The following ZNF792 variants were observed in gnomAD, a reference collection of about 807,000 sequenced individuals.
ZNF792 encodes the protein zinc finger protein 792.
A neutral mutation model predicts 13.1 loss-of-function variants in ZNF792; 14 were observed. That is an observed-to-expected ratio of 1.07 (90% CI 0.71 to 1.67). The LOEUF is 1.67. ZNF792 is among the 40% of genes most tolerant of loss of function. The pLI, the probability that ZNF792 is intolerant of heterozygous loss-of-function variation, is 0.00. For missense variants in ZNF792, 740 were observed against 807.9 expected (o/e 0.92, Z 1.02); for synonymous variants, 257 against 292.0 (o/e 0.88, Z 1.22).
In ZNF792 at chr19:34,958,281, C is replaced by T. The variant is rs200516958; in HGVS notation, c.1574G>A (p.Arg525Gln). The change falls in exon 4 of 4, where the codon CGG (arginine) becomes CAG (glutamine). Residue 525 changes from arginine to glutamine, a missense_variant. Arg to Gln is a conservative substitution (Grantham distance 43, BLOSUM62 1). Transcript: ENST00000404801. ...AGGCCGCTCGCCGGTGTGAAGTCTCCGGTGGTTATTGAGGCTGGAGCTTTG... is the reference window on the plus strand; with the variant it reads ...AGGCCGCTCGCCGGTGTGAAGTCTCTGGTGGTTATTGAGGCTGGAGCTTTG... ...FNQSSSLNNH[R>Q]RLHTGERPYE... is the part of the protein sequence containing the mutation. The T allele has an allele frequency of 2.7e-4, 437 of 1,604,408 alleles. 1 individual carries two copies. Among genetic ancestry groups the T allele is most frequent in the Non-Finnish European group, 3.5e-4 (409 of 1,176,708 alleles).
At position 34,957,513 on chromosome 19, in the gene ZNF792, A is replaced by C. The variant is rs1178580521; in HGVS notation, c.*443T>G. The stretch of plus-strand genomic sequence containing the variant: ...GCTTTATCATAAGGCCATTATCATC[A>C]CATGAACCAGGGCAATACACAGGAG... On this transcript the variant is annotated 3_prime_UTR_variant, in exon 4 of 4. Transcript: ENST00000404801. The C allele has an allele frequency of 6.2e-6, 1 of 160,602 alleles. No individual in the cohort carries two copies. Among genetic ancestry groups the C allele is most frequent in the Non-Finnish European group, 1.4e-5 (1 of 74,012 alleles). 9.9% of individuals were successfully genotyped at this position (160,602 alleles called of 1,614,324 possible).
chr19:34,958,926 T>A lies in ZNF792; in HGVS notation c.929A>T (p.Tyr310Phe). The change falls in exon 4 of 4, where the codon TAT becomes TTT. Residue 310 changes from tyrosine to phenylalanine, a missense_variant. Coordinates refer to ENST00000404801, the MANE Select transcript of ZNF792 (RefSeq NM_175872.5). ...GAATTTTCCACATTCACAGCACTCA[T>A]ACGGTTTTCCTCTATTGTGAACTTT... ...HQKVHNRGKP[Y>F]ECCECGKFFS... is the part of the protein sequence containing the mutation. 6.2e-7 allele frequency: 1 copy of A among 1,614,020 alleles called. No individual in the cohort carries two copies. The highest frequency in any genetic ancestry group is 8.5e-7 in the Non-Finnish European group (1 of 1,179,878).
chr19:34,960,519 G>C, intron 2 of ZNF792, 162 bp from the exon 3 acceptor site: 1 of 894,030 alleles, frequency 1.1e-6, no homozygotes, highest in East Asian at 2.7e-5. Flanking sequence ...GTCAGGCTTA[G>C]GAAATATTAG....
rs996982678 is a variant in ZNF792, at chr19:34,963,677, A to G, written c.-15T>C. The G allele has an allele frequency of 1.9e-6, 3 of 1,591,578 alleles. No individual in the cohort carries two copies. The highest frequency in any genetic ancestry group is 2.6e-6 in the Non-Finnish European group (3 of 1,171,398). On this transcript the variant is annotated 5_prime_UTR_variant, in exon 1 of 4. Transcript: ENST00000404801. The stretch of plus-strand genomic sequence containing the variant: ...GCCGCTGCCATCGGAGTCTGTGGTC[A>G]GAGCAGGGCCCCACGGTGCGGGAAA...
At position 34,958,243 on chromosome 19, in the gene ZNF792, C is replaced by T. The variant is rs768588430; in HGVS notation, c.1612G>A (p.Glu538Lys). ...CTCTGCCTGAAGGTTTTCCCACATT[C>T]GCTGCACTCATAAGGCCGCTCGCCG... The part of the protein sequence containing the change: ...HTGERPYECS[E>K]CGKTFRQRSN... Residue 538 changes from glutamate (E) to lysine (K), a missense_variant, in exon 4 of 4, where the codon GAA becomes AAA. Glu to Lys is a moderately conservative substitution (Grantham distance 56, BLOSUM62 1). Coordinates refer to ENST00000404801, the MANE Select transcript of ZNF792 (RefSeq NM_175872.5). The T allele has an allele frequency of 6.3e-5, 102 of 1,613,946 alleles. 1 individual carries two copies. The highest frequency in any genetic ancestry group is 1.6e-4 in the Middle Eastern group (1 of 6,084).
In ZNF792 at chr19:34,958,158, T is replaced by G. The variant is rs752805934; in HGVS notation, c.1697A>C (p.Glu566Ala). ...CCTTTGGTTGAAGGCTTTCCCACATTCGCTGCATTCGTAAGGCCTGTCTGG... is the reference window on the plus strand; with the variant it reads ...CCTTTGGTTGAAGGCTTTCCCACATGCGCTGCATTCGTAAGGCCTGTCTGG... ...HKPDRPYECS[E>A]CGKAFNQRPT... is the part of the protein sequence containing the mutation. The change falls in exon 4 of 4, where the codon GAA becomes GCA. Residue 566 changes from glutamate to alanine, a missense_variant. Transcript: ENST00000404801. 1.9e-6 allele frequency: 3 copies of G among 1,611,966 alleles called. No individual in the cohort carries two copies. In the South Asian group the frequency reaches 3.3e-5, roughly 18 times the overall value.
At chr19:34,960,786 T>C in intron 2 of ZNF792, 82 bp downstream of exon 2, 2 of 1,604,158 alleles carry the variant, frequency 1.2e-6, no homozygotes, top group Non-Finnish European at 1.7e-6. Context: ...GGTCTGGCTG[T>C]GGGAAGGAAA....
rs1457564983 is a variant in ZNF792 at position 34,956,756 on chromosome 19, A to G, written c.*1200T>C. On this transcript the variant is annotated 3_prime_UTR_variant, in exon 4 of 4. Transcript: ENST00000404801. ...ACGTCATAGATACTACAGTCCCTAT[A>G]GTATAGGATCTGCTTTTTCTCAGTC... The G allele has an allele frequency of 6.6e-6, 1 of 152,232 alleles. No homozygotes were observed. The highest frequency in any genetic ancestry group is 2.4e-5 in the African/African-American group (1 of 41,462). 9.4% of individuals were successfully genotyped at this position (152,232 alleles called of 1,614,324 possible).
chr19:34,956,526 G>A lies in ZNF792; in HGVS notation c.*1430C>T, dbSNP rs1446082263. The A allele has an allele frequency of 6.6e-6, 1 of 152,152 alleles. No individual in the cohort carries two copies. Among genetic ancestry groups the A allele is most frequent in the Non-Finnish European group, 1.5e-5 (1 of 68,016 alleles). The allele number at this position is 152,152 out of a possible 1,614,324, so 9.4% of individuals were successfully genotyped here. ...GTTCATTATCATGATTATGGTATTG[G>A]TTCCCTGAGTGTACATAATATATGT... On this transcript the variant is annotated 3_prime_UTR_variant, in exon 4 of 4. Coordinates refer to ENST00000404801, the MANE Select transcript of ZNF792 (RefSeq NM_175872.5).
rs186132540 is a variant in ZNF792 at position 34,957,768 on chromosome 19, T to C, written c.*188A>G. ...GACTACTCCTAATTCCCTTTAGGGA[T>C]TGGAAAGAGAGAGGAGAGGTCTGCC... On this transcript the variant is annotated 3_prime_UTR_variant, in exon 4 of 4. Transcript: ENST00000404801. 1,751 of 587,258 alleles carry C rather than the reference T, an allele frequency of 3.0e-3. 9 individuals carry two copies. The highest frequency in any genetic ancestry group is 6.8e-3 in the Middle Eastern group (15 of 2,204). The allele number at this position is 587,258 out of a possible 1,614,324, so 36.4% of individuals were successfully genotyped here. A position where few individuals can be genotyped will look rare whatever the true frequency, so the allele number is the denominator to read the frequency against.
Position 34,959,051 on chromosome 19 carries a change from A to G in ZNF792, c.804T>C (p.Thr268=). ...TGTGGATTCTCTGGTGCTGAACAAGAGTGGATTTGTTATTGAAGGCATCCC... is the reference window on the plus strand; with the variant it reads ...TGTGGATTCTCTGGTGCTGAACAAGGGTGGATTTGTTATTGAAGGCATCCC... ...ESGDAFNNKS[T]LVQHQRIHSR... is the part of the protein sequence containing the mutation. Residue 268 remains threonine, a synonymous_variant, in exon 4 of 4, where the codon ACT becomes ACC. Transcript: ENST00000404801. 1 of 1,614,178 alleles carries G rather than the reference A, an allele frequency of 6.2e-7. No individual in the cohort carries two copies. Among genetic ancestry groups the G allele is most frequent in the African/African-American group, 1.3e-5 (1 of 75,068 alleles).
intron 2 of ZNF792, 62 bp from the exon 3 acceptor site, chr19:34,960,419 G>A (rs2013510391): frequency 6.3e-7 from 1 of 1,580,494 alleles, no homozygotes; most frequent in African/African-American, 1.3e-5. Context: ...CCCCATGATA[G>A]ACTACAAGAC....
intron 1 of ZNF792, among the ~76,000 whole-genome samples, chr19:34,963,238 G>A (rs535856280): frequency 3.3e-5 from 5 of 152,140 alleles, no homozygotes; most frequent in East Asian, 3.9e-4. Context: ...CAGCTCTGCC[G>A]TTCTGAGCTG....
In ZNF792 at chr19:34,960,333, A is replaced by C; in HGVS notation, c.185T>G (p.Ile62Ser). Residue 62 changes from isoleucine to serine, a missense_variant, in exon 3 of 4, where the codon ATC becomes AGC. Transcript: ENST00000404801. The stretch of plus-strand genomic sequence containing the variant: ...TTTCCCCATCTCCAACTGGGAAACG[A>C]TGTGGGACCTGAAAGATATAAGTCC... ...SLGLISFRSH[I>S]VSQLEMGKEP... 1 of 1,613,562 alleles carries C rather than the reference A, an allele frequency of 6.2e-7. No individual in the cohort carries two copies. Among genetic ancestry groups the C allele is most frequent in the Non-Finnish European group, 8.5e-7 (1 of 1,179,748 alleles).
chr19:34,956,945 A>G lies in ZNF792; in HGVS notation c.*1011T>C, dbSNP rs1378448356. On this transcript the variant is annotated 3_prime_UTR_variant, in exon 4 of 4. Transcript: ENST00000404801. ...TGCAAACCCTGAATCCTGCACAGCC[A>G]CATTCAAGGGAGCATTCACGGATGC... is the stretch of plus-strand genomic sequence containing the variant. The G allele has an allele frequency of 6.6e-6, 1 of 152,270 alleles. No individual in the cohort carries two copies. Among genetic ancestry groups the G allele is most frequent in the Non-Finnish European group, 1.5e-5 (1 of 68,052 alleles). The allele number at this position is 152,270 out of a possible 1,614,324, so 9.4% of individuals were successfully genotyped here.
Position 34,958,174 on chromosome 19 carries a change from G to T in ZNF792, c.1681C>A (p.Pro561Thr), listed in dbSNP as rs748959538. Residue 561 changes from proline to threonine, a missense_variant, in exon 4 of 4, where the codon CCT (proline) becomes ACT (threonine). Transcript: ENST00000404801. ...QHLKVHKPDR[P>T]YECSECGKAF... Reference sequence around the variant, plus strand: ...TTCCCACATTCGCTGCATTCGTAAGGCCTGTCTGGTTTGTGAACTTTCAGG... The same window carrying T: ...TTCCCACATTCGCTGCATTCGTAAGTCCTGTCTGGTTTGTGAACTTTCAGG... The T allele has an allele frequency of 3.1e-6, 5 of 1,611,812 alleles. No homozygotes were observed. Among genetic ancestry groups the T allele is most frequent in the South Asian group, 1.1e-5 (1 of 90,970 alleles).
chr19:34,958,517 G>T lies in ZNF792; in HGVS notation c.1338C>A (p.Gly446=), dbSNP rs143307954. 1.3e-6 allele frequency: 2 copies of T among 1,590,388 alleles called. No homozygotes were observed. The highest frequency in any genetic ancestry group is 1.2e-5 in the South Asian group (1 of 86,454). ...SLIQHQIVHT[G]ERPHGCGECG... ...ACTCACCACACCCGTGAGGCCGCTC[G>T]CCAGTGTGAACTATCTGATGTTGAA... is the stretch of plus-strand genomic sequence containing the variant. Residue 446 remains glycine, a synonymous_variant, in exon 4 of 4, where the codon GGC becomes GGA. Transcript: ENST00000404801.
Position 34,958,165 on chromosome 19 carries a change from A to G in ZNF792, c.1690T>C (p.Cys564Arg), listed in dbSNP as rs150628785. ...TTGAAGGCTTTCCCACATTCGCTGCATTCGTAAGGCCTGTCTGGTTTGTGA... is the reference window on the plus strand; with the variant it reads ...TTGAAGGCTTTCCCACATTCGCTGCGTTCGTAAGGCCTGTCTGGTTTGTGA... ...KVHKPDRPYE[C>R]SECGKAFNQR... The change falls in exon 4 of 4, where the codon TGC becomes CGC. Residue 564 changes from cysteine (C) to arginine (R), a missense_variant. Coordinates refer to ENST00000404801, the MANE Select transcript of ZNF792 (RefSeq NM_175872.5). 1.2e-6 allele frequency: 2 copies of G among 1,611,830 alleles called. No individual in the cohort carries two copies. The highest frequency in any genetic ancestry group is 1.7e-6 in the Non-Finnish European group (2 of 1,178,208).
chr19:34,961,119 C>T (rs1378779347), intron 1 of ZNF792, 125 bp from the exon 2 acceptor site: 26 of 1,383,136 alleles, frequency 1.9e-5, no homozygotes, highest in African/African-American at 7.2e-5. Context: ...GTTCTGTGGG[C>T]GCCTCATGTG....
Sources: allele counts gnomAD v4.1 joint callset (sites outside exome capture counted in the v4.1 genomes callset), GRCh38; gene constraint gnomAD v4.1.1; transcripts MANE v1.5; gene names NCBI Gene and HGNC (gene_info 2026-07-23, HGNC 2026-07-21).